NLRP5: variants seen among roughly 807,000 people sequenced by gnomAD.
The protein encoded by NLRP5 is NACHT, LRR and PYD domains-containing protein 5.
NLRP5 carries 93 observed loss-of-function variants against 113.1 expected under a neutral mutation model. The observed-to-expected ratio is 0.82, with a 90% CI of 0.70 to 0.98. The LOEUF (loss-of-function observed/expected upper bound fraction) is 0.98. Ranked by LOEUF, NLRP5 falls within the 50% of genes least tolerant of loss-of-function variation. The probability of loss-of-function intolerance (pLI) is 0.00; values close to 1 mark genes in which losing one functional copy is unlikely to be tolerated. For synonymous variants in NLRP5, 751 were observed against 600.7 expected, an observed-to-expected ratio of 1.25 and a Z score of -3.66; for missense variants, 1,808 against 1,514.3, an observed-to-expected ratio of 1.19 and a Z score of -3.22.
At chr19:56,016,843 C>T (rs945367824) in intron 4 of NLRP5, among the ~76,000 whole-genome samples, 2 of 152,056 alleles carry the variant, frequency 1.3e-5, no homozygotes, top group Non-Finnish European at 2.9e-5. Context: ...GAGTCTTGCT[C>T]TGTTGCCCAG....
In NLRP5 at chr19:56,027,505, C is replaced by T. The variant is rs766367258; in HGVS notation, c.1272C>T (p.Pro424=). Reference sequence around the variant, plus strand: ...AGCTCAAGTCAGAGGTCGTGTCTCCCCGTTACCTGTTAGTTAGAGGAATCT... The same window carrying T: ...AGCTCAAGTCAGAGGTCGTGTCTCCTCGTTACCTGTTAGTTAGAGGAATCT... The change falls in exon 7 of 15, where the codon CCC becomes CCT. Residue 424 remains proline, a synonymous_variant. Coordinates refer to ENST00000390649, the MANE Select transcript of NLRP5 (RefSeq NM_153447.4). The T allele has an allele frequency of 2.5e-6, 4 of 1,613,820 alleles. No homozygotes were observed. Among genetic ancestry groups the T allele is most frequent in the South Asian group, 2.2e-5 (2 of 91,066 alleles).
chr19:56,050,027 C>A (rs1034981063), intron 11 of NLRP5, among the ~76,000 whole-genome samples: 3 of 152,096 alleles, frequency 2.0e-5, no homozygotes, highest in Non-Finnish European at 4.4e-5. Flanking sequence ...CACCTGTAAT[C>A]CCAACACTTT....
At position 56,027,373 on chromosome 19, in the gene NLRP5, C is replaced by G. The variant is rs368332274; in HGVS notation, c.1140C>G (p.Asp380Glu). 3.1e-6 allele frequency: 5 copies of G among 1,613,538 alleles called. No individual in the cohort carries two copies. Among genetic ancestry groups the G allele is most frequent in the Non-Finnish European group, 4.2e-6 (5 of 1,179,770 alleles). Residue 380 changes from aspartate to glutamate, a missense_variant, in exon 7 of 15, where the codon GAC (aspartate) becomes GAG (glutamate). Coordinates refer to ENST00000390649, the MANE Select transcript of NLRP5 (RefSeq NM_153447.4). ...ACAATGACACAAAGCTCTGCAAAGACTGGGCTGAGAAGCAGCCTCCGTTCA... is the reference window on the plus strand; with the variant it reads ...ACAATGACACAAAGCTCTGCAAAGAGTGGGCTGAGAAGCAGCCTCCGTTCA...
chr19:56,032,916 C>T (rs1052863467), intron 8 of NLRP5, 135 bp downstream of exon 8: 3 of 858,472 alleles, frequency 3.5e-6, no homozygotes, highest in African/African-American at 1.7e-5. Flanking sequence ...GTGTAGGAAC[C>T]AAGTTCCCAA....
chr19:56,042,022 A>G (rs1244549579), intron 11 of NLRP5, among the ~76,000 whole-genome samples: 1 of 152,150 alleles, frequency 6.6e-6, no homozygotes, highest in Non-Finnish European at 1.5e-5. Flanking sequence ...AAATACCCTC[A>G]AAAAGGACAT....
At chr19:56,024,360 C>CAA (rs1982730211) in intron 6 of NLRP5, among the ~76,000 whole-genome samples, 1 of 123,988 alleles carries the variant, frequency 8.1e-6, no homozygotes, top group Admixed American at 8.1e-5. Flanking sequence ...AAAAAAAGAA[C>CAA]AAATATATAT....
intron 11 of NLRP5, among the ~76,000 whole-genome samples, chr19:56,044,392 G>A (rs930275881): frequency 3.9e-5 from 6 of 152,142 alleles, no homozygotes; most frequent in African/African-American, 1.4e-4. Flanking sequence ...TGATTTTTGT[G>A]TTAGGTGAGA....
chr19:56,001,075 A>G (rs1334934489), intron 1 of NLRP5, among the ~76,000 whole-genome samples: 5 of 151,746 alleles, frequency 3.3e-5, no homozygotes, highest in South Asian at 2.1e-4. Flanking sequence ...TAATCCCAAC[A>G]CTTTGGGAGG....
intron 11 of NLRP5, among the ~76,000 whole-genome samples, chr19:56,048,190 A>G (rs1399643425): frequency 1.3e-5 from 2 of 151,998 alleles, no homozygotes; most frequent in African/African-American, 4.8e-5. Flanking sequence ...TTTTAAGTGG[A>G]GCGTTTGGAC....
intron 11 of NLRP5, among the ~76,000 whole-genome samples, chr19:56,047,413 A>G (rs929398029): frequency 3.3e-5 from 5 of 152,092 alleles, no homozygotes; most frequent in African/African-American, 1.2e-4. Context: ...GCTGTATCCC[A>G]GAGGTTTTGA....
intron 14 of NLRP5, among the ~76,000 whole-genome samples, chr19:56,058,663 G>A (rs932359873): frequency 7.2e-5 from 11 of 152,172 alleles, no homozygotes; most frequent in East Asian, 1.9e-4. Context: ...CAGAAAGAAC[G>A]TTATAAATGT....
Position 56,027,881 on chromosome 19 carries a change from G to A in NLRP5, c.1648G>A (p.Asp550Asn), listed in dbSNP as rs761855725. Residue 550 changes from aspartate (D) to asparagine (N), a missense_variant, in exon 7 of 15, where the codon GAC (aspartate) becomes AAC (asparagine). Physicochemically the swap from Asp to Asn is conservative, Grantham distance 23 (BLOSUM62 1). Coordinates refer to ENST00000390649, the MANE Select transcript of NLRP5 (RefSeq NM_153447.4). Reference sequence around the variant, plus strand: ...TAGGAAGTCAGTGTTTGACGGTGACGACCTCATGGTTCAAGGACTCGGGGA... The same window carrying A: ...TAGGAAGTCAGTGTTTGACGGTGACAACCTCATGGTTCAAGGACTCGGGGA... The A allele has an allele frequency of 6.8e-6, 11 of 1,613,748 alleles. No homozygotes were observed. In the Admixed American group the frequency reaches 1.0e-4, roughly 15 times the overall value.
At position 56,033,542 on chromosome 19, in the gene NLRP5, GTT is replaced by G; in HGVS notation, c.2450_2451del (p.Phe817Ter). ...ATGTGTCTCCCCTTCCCCATTGCAGGTTTAGAAATGCACAGATTACCCCTGGT... is the reference window on the plus strand; with the variant it reads ...ATGTGTCTCCCCTTCCCCATTGCAGGTAGAAATGCACAGATTACCCCTGGT... On this transcript the variant is annotated frameshift_variant and splice_region_variant, in exon 9 of 15. Coordinates refer to ENST00000390649, the MANE Select transcript of NLRP5 (RefSeq NM_153447.4). LOFTEE classifies it high-confidence loss of function. 2 of 1,611,022 alleles carry G rather than the reference GTT, an allele frequency of 1.2e-6. No individual in the cohort carries two copies. Among genetic ancestry groups the G allele is most frequent in the Non-Finnish European group, 1.7e-6 (2 of 1,178,366 alleles).
chr19:56,021,425 T>C (rs1208469515), intron 6 of NLRP5, among the ~76,000 whole-genome samples: 3 of 152,198 alleles, frequency 2.0e-5, no homozygotes, highest in African/African-American at 7.2e-5. Flanking sequence ...TCATCACTAA[T>C]TCCAAGACAT....
At chr19:56,024,539 ATGT>A (rs1982759854) in intron 6 of NLRP5, among the ~76,000 whole-genome samples, 1 of 143,592 alleles carries the variant, frequency 7.0e-6, no homozygotes, top group Admixed American at 7.1e-5. Flanking sequence ...ACATATGTAT[ATGT>A]ATGTATATGT....
At chr19:56,025,842 TCCCCTC>T (rs1360807522) in intron 6 of NLRP5, among the ~76,000 whole-genome samples, 3 of 151,842 alleles carry the variant, frequency 2.0e-5, no homozygotes, top group Admixed American at 6.6e-5. Context: ...TCCCTCAAGT[TCCCCTC>T]CCCCTCCCCA....
rs546882412 is a variant in NLRP5 at position 56,004,643 on chromosome 19, G to A, written c.442+548G>A. Reference sequence around the variant, plus strand: ...GGACTTTCTTGGGCTATTGGTGTCCGTAGTGCAGCAAGAATTCGGATCAGA... The same window carrying A: ...GGACTTTCTTGGGCTATTGGTGTCCATAGTGCAGCAAGAATTCGGATCAGA... On this transcript the variant is annotated intron_variant, in intron 2 of 14. Coordinates refer to ENST00000390649, the MANE Select transcript of NLRP5 (RefSeq NM_153447.4). Among the ~76,000 whole-genome samples, 6 of 152,256 alleles carry A rather than the reference G, an allele frequency of 3.9e-5. No individual in the cohort carries two copies. In the South Asian group the frequency reaches 6.2e-4, roughly 16 times the overall value.
rs1267722512 is a variant in NLRP5, at chr19:56,028,518, C to T, written c.2276+9C>T. On this transcript the variant is annotated intron_variant, in intron 7 of 14. Coordinates refer to ENST00000390649, the MANE Select transcript of NLRP5 (RefSeq NM_153447.4). ...CCTGTGGTCCCTCTATGGTGAGTAC[C>T]CCAGGCAGTTTTATCCTATGCCGTG... 6.2e-7 allele frequency: 1 copy of T among 1,608,998 alleles called. No individual in the cohort carries two copies. The highest frequency in any genetic ancestry group is 1.3e-5 in the African/African-American group (1 of 74,770).
At chr19:55,987,483 A>G in the NLRP5 span, among the ~76,000 whole-genome samples, 1 of 152,204 alleles carries the variant, frequency 6.6e-6, no homozygotes, top group African/African-American at 2.4e-5. Context: ...AATTGTGCAA[A>G]TACTATGGTT....
Sources: allele counts gnomAD v4.1 joint callset (sites outside exome capture counted in the v4.1 genomes callset), GRCh38; gene constraint gnomAD v4.1.1; transcripts MANE v1.5; gene names NCBI Gene and HGNC (gene_info 2026-07-23, HGNC 2026-07-21).